INPP4B: variants seen among roughly 807,000 people sequenced by gnomAD.
INPP4B encodes inositol polyphosphate-4-phosphatase type II B, also known as inositol polyphosphate 4-phosphatase type II.
In INPP4B, 55 loss-of-function variants were observed where a neutral mutation model predicts 122.5. The ratio of observed to expected loss-of-function variants is 0.45; its 90% CI spans 0.36 to 0.56. INPP4B has a LOEUF of 0.56. Among genes scored for constraint, INPP4B ranks in the 20% least tolerant of loss-of-function variants. The pLI is 0.00. For synonymous variants in INPP4B, 403 were observed against 388.7 expected, an observed-to-expected ratio of 1.04 and a Z score of -0.43; for missense variants, 1,000 against 1,097.7, an observed-to-expected ratio of 0.91 and a Z score of 1.26.
intron 2 of INPP4B, among the ~76,000 whole-genome samples, chr4:142,537,140 C>T (rs1435678490): frequency 2.0e-5 from 3 of 151,792 alleles, no homozygotes; most frequent in Non-Finnish European, 4.4e-5. Flanking sequence ...TCATAGGTAG[C>T]AAGAGAAAAC....
At chr4:142,578,081 G>A (rs567235899) in intron 2 of INPP4B, among the ~76,000 whole-genome samples, 22 of 152,012 alleles carry the variant, frequency 1.4e-4, no homozygotes, top group Non-Finnish European at 2.4e-4. Context: ...TGCAAATACC[G>A]GAGCTGAGGA....
intron 23 of INPP4B, among the ~76,000 whole-genome samples, chr4:142,097,430 A>AT (rs1782449294): frequency 6.6e-6 from 1 of 150,984 alleles, no homozygotes; most frequent in Admixed American, 6.6e-5. Flanking sequence ...AATTTTTTGT[A>AT]TTTTTTAGTA....
intron 12 of INPP4B, among the ~76,000 whole-genome samples, 195 bp downstream of exon 12, chr4:142,237,669 A>C (rs1857261676): frequency 6.6e-6 from 1 of 152,024 alleles, no homozygotes; most frequent in Admixed American, 6.6e-5. Context: ...TAGATAACAT[A>C]GAAAAAATGT....
At chr4:142,553,456 C>A (rs1249418602) in intron 2 of INPP4B, among the ~76,000 whole-genome samples, 3 of 152,158 alleles carry the variant, frequency 2.0e-5, no homozygotes, top group African/African-American at 4.8e-5. Context: ...CCTTTCATAT[C>A]CCCTTGGCTT....
chr4:142,454,392 T>G (rs1814945637), intron 3 of INPP4B, among the ~76,000 whole-genome samples: 1 of 152,110 alleles, frequency 6.6e-6, no homozygotes, highest in African/African-American at 2.4e-5. Flanking sequence ...TCCCAACCCC[T>G]GAATGTGTTT....
At chr4:142,253,092 A>C (rs1180278840) in intron 11 of INPP4B, among the ~76,000 whole-genome samples, 1 of 152,204 alleles carries the variant, frequency 6.6e-6, no homozygotes, top group Non-Finnish European at 1.5e-5. Flanking sequence ...ATGTACCTAA[A>C]CATATCTAAA....
intron 11 of INPP4B, among the ~76,000 whole-genome samples, chr4:142,257,272 T>A (rs576109472): frequency 3.0e-4 from 46 of 152,256 alleles, no homozygotes; most frequent in Admixed American, 6.5e-4. Context: ...AAAAACTGGA[T>A]GCATTCCCTT....
chr4:142,777,493 G>GA (rs1164753766), intron 1 of INPP4B, among the ~76,000 whole-genome samples: 18 of 152,098 alleles, frequency 1.2e-4, no homozygotes, highest in African/African-American at 3.1e-4. Context: ...CTAAGCTCCA[G>GA]AAAAAAATGC....
chr4:142,135,289 C>T (rs1002829269), intron 18 of INPP4B, among the ~76,000 whole-genome samples: 3 of 152,060 alleles, frequency 2.0e-5, no homozygotes, highest in Non-Finnish European at 4.4e-5. Flanking sequence ...GGGGAAATGA[C>T]ATTTAAGATG....
intron 5 of INPP4B, among the ~76,000 whole-genome samples, chr4:142,425,474 G>C (rs1807836164): frequency 1.3e-5 from 2 of 151,382 alleles, no homozygotes; most frequent in African/African-American, 4.9e-5. Context: ...TTTCATTCCT[G>C]GTCAAATCAC....
At chr4:142,501,243 G>A (rs1823333765) in intron 2 of INPP4B, among the ~76,000 whole-genome samples, 1 of 152,172 alleles carries the variant, frequency 6.6e-6, no homozygotes, top group South Asian at 2.1e-4. Flanking sequence ...ACGGAAGCCA[G>A]CGCCCTTAAC....
At chr4:142,400,723 T>C (rs1801307386) in intron 7 of INPP4B, among the ~76,000 whole-genome samples, 1 of 152,138 alleles carries the variant, frequency 6.6e-6, no homozygotes, top group Non-Finnish European at 1.5e-5. Context: ...ACAGTAGGGG[T>C]TCCAGTTCAT....
chr4:142,051,925 G>C (rs533291109), intron 25 of INPP4B, among the ~76,000 whole-genome samples: 9 of 152,066 alleles, frequency 5.9e-5, no homozygotes, highest in African/African-American at 1.9e-4. Flanking sequence ...AAATCTGTGG[G>C]TCCAGAACCT....
chr4:142,071,423 TG>T (rs1241322803), intron 25 of INPP4B, among the ~76,000 whole-genome samples: 1 of 152,128 alleles, frequency 6.6e-6, no homozygotes, highest in African/African-American at 2.4e-5. Flanking sequence ...GACATAGGCA[TG>T]GGCAAGGACT....
At chr4:142,121,420 A>G (rs2152747065) in intron 21 of INPP4B, among the ~76,000 whole-genome samples, 1 of 152,244 alleles carries the variant, frequency 6.6e-6, no homozygotes, top group Admixed American at 6.5e-5. Flanking sequence ...TATGTTTTGA[A>G]CATGACCCCA....
At chr4:142,799,102 A>G (rs1777662417) in intron 1 of INPP4B, among the ~76,000 whole-genome samples, 2 of 151,880 alleles carry the variant, frequency 1.3e-5, no homozygotes, top group South Asian at 4.1e-4. Context: ...TATTGGGATG[A>G]ATGTCCATGG....
intron 15 of INPP4B, among the ~76,000 whole-genome samples, chr4:142,192,630 T>C (rs1275979344): frequency 6.6e-6 from 1 of 152,102 alleles, no homozygotes; most frequent in Non-Finnish European, 1.5e-5. Context: ...AAACAGAACA[T>C]AGAATTCTGT....
At chr4:142,706,900 A>G (rs1292453043) in intron 2 of INPP4B, among the ~76,000 whole-genome samples, 2 of 152,272 alleles carry the variant, frequency 1.3e-5, no homozygotes, top group Admixed American at 1.3e-4. Context: ...AAATTTGCAT[A>G]TGAAGCTCTT....
At chr4:142,153,774 T>C (rs1815683119) in intron 17 of INPP4B, among the ~76,000 whole-genome samples, 1 of 152,130 alleles carries the variant, frequency 6.6e-6, no homozygotes, top group African/African-American at 2.4e-5. Flanking sequence ...ATAAGATGTG[T>C]TAGGTGTTAT....
Sources: allele counts gnomAD v4.1 joint callset (sites outside exome capture counted in the v4.1 genomes callset), GRCh38; gene constraint gnomAD v4.1.1; transcripts MANE v1.5; gene names NCBI Gene and HGNC (gene_info 2026-07-23, HGNC 2026-07-21).